The following NUMB variants were observed in gnomAD, a reference collection of about 807,000 sequenced individuals.
NUMB encodes protein numb homolog.
NUMB carries 29 observed loss-of-function variants against 59.7 expected under a neutral mutation model. That is an observed-to-expected ratio of 0.49 (90% CI 0.36 to 0.66). The LOEUF is 0.66. Ranked by LOEUF, NUMB falls within the 30% of genes least tolerant of loss-of-function variation. The pLI, the probability that NUMB is intolerant of heterozygous loss-of-function variation, is 0.00. For synonymous variants in NUMB, 288 were observed against 288.2 expected (o/e 1.00, Z 0.01); for missense variants, 723 against 822.0 (o/e 0.88, Z 1.47).
At chr14:73,318,876 C>T (rs1433360878) in intron 5 of NUMB, among the ~76,000 whole-genome samples, 5 of 152,080 alleles carry the variant, frequency 3.3e-5, no homozygotes, top group Non-Finnish European at 5.9e-5. Context: ...ATCAAGTATG[C>T]AGATGACTTC....
intron 1 of NUMB, among the ~76,000 whole-genome samples, chr14:73,443,944 T>TC (rs113571616): frequency 6.6e-6 from 1 of 150,680 alleles, no homozygotes; most frequent in Non-Finnish European, 1.5e-5. Context: ...TCTCACTCTG[T>TC]CCCCCCACGC....
At chr14:73,444,835 A>AG (rs1883349711) in intron 1 of NUMB, among the ~76,000 whole-genome samples, 1 of 148,084 alleles carries the variant, frequency 6.8e-6, no homozygotes. Flanking sequence ...CCAGCCTGGC[A>AG]ACAGAGTGAC....
intron 2 of NUMB, among the ~76,000 whole-genome samples, chr14:73,394,454 G>A (rs1276077089): frequency 4.7e-5 from 7 of 150,298 alleles, no homozygotes; most frequent in Non-Finnish European, 7.4e-5. Context: ...CTGTTGCCCA[G>A]GCTGAAGTGC....
chr14:73,284,441 C>G, intron 9 of NUMB, 67 bp from the exon 10 acceptor site: 1 of 1,410,018 alleles, frequency 7.1e-7, no homozygotes, highest in Non-Finnish European at 9.7e-7. Flanking sequence ...AGAGAGCTGA[C>G]AAATTCGAAA....
chr14:73,290,651 C>T (rs1298317296), intron 8 of NUMB, among the ~76,000 whole-genome samples: 1 of 152,264 alleles, frequency 6.6e-6, no homozygotes, highest in East Asian at 1.9e-4. Context: ...AATGGCTATA[C>T]TGCCTATTCT....
chr14:73,420,604 G>A (rs775980672), intron 1 of NUMB, among the ~76,000 whole-genome samples: 2 of 152,144 alleles, frequency 1.3e-5, no homozygotes, highest in Non-Finnish European at 2.9e-5. Flanking sequence ...CGGATTGCTT[G>A]AGTCCAGAAG....
intron 6 of NUMB, among the ~76,000 whole-genome samples, chr14:73,311,324 G>T (rs1890766203): frequency 6.6e-6 from 1 of 152,182 alleles, no homozygotes; most frequent in African/African-American, 2.4e-5. Context: ...AAAGTGCTGG[G>T]ATTACAGGCA....
intron 4 of NUMB, among the ~76,000 whole-genome samples, chr14:73,337,385 C>T (rs1892388416): frequency 6.6e-6 from 1 of 152,060 alleles, no homozygotes; most frequent in Non-Finnish European, 1.5e-5. Flanking sequence ...CCTGTAATCC[C>T]AGCTACTCGG....
At chr14:73,327,267 T>C (rs1297243300) in intron 4 of NUMB, among the ~76,000 whole-genome samples, 1 of 152,056 alleles carries the variant, frequency 6.6e-6, no homozygotes, top group East Asian at 1.9e-4. Context: ...GAATTATTAT[T>C]ATTTTTTTGA....
In NUMB at chr14:73,350,066, T is replaced by TACACACACACACACACAC. The variant is rs1161769200; in HGVS notation, c.126+5559_126+5560insGTGTGTGTGTGTGTGTGT. 1.5e-4 allele frequency among the ~76,000 whole-genome samples: 16 copies of TACACACACACACACACAC among 103,712 alleles called. No individual in the cohort carries two copies. In the South Asian group the frequency reaches 3.1e-3, roughly 20 times the overall value. 68.0% of individuals were successfully genotyped at this position (103,712 alleles called of 152,430 possible). A position where few individuals can be genotyped will look rare whatever the true frequency, so the allele number is the denominator to read the frequency against. On this transcript the variant is annotated intron_variant, in intron 4 of 12. Transcript: ENST00000555238. ...TCACATACATACATACATATATACA[T>TACACACACACACACACAC]ACATACATACATACACACACACACA...
At chr14:73,388,930 T>C (rs1383970503) in intron 2 of NUMB, among the ~76,000 whole-genome samples, 1 of 151,958 alleles carries the variant, frequency 6.6e-6, no homozygotes, top group Non-Finnish European at 1.5e-5. Context: ...ACCCCGTCTC[T>C]ACCAAACAAA....
At chr14:73,380,021 A>C (rs1316367369) in intron 2 of NUMB, among the ~76,000 whole-genome samples, 1 of 152,196 alleles carries the variant, frequency 6.6e-6, no homozygotes, top group Non-Finnish European at 1.5e-5. Context: ...GAAAACTATT[A>C]AATTAATCCA....
intron 7 of NUMB, among the ~76,000 whole-genome samples, chr14:73,294,794 C>G (rs1183779729): frequency 1.3e-5 from 2 of 148,662 alleles, no homozygotes; most frequent in Non-Finnish European, 3.0e-5. Flanking sequence ...GCTGGGATTA[C>G]AGGTGTGAGC....
chr14:73,351,947 G>A (rs1893309456), intron 4 of NUMB, among the ~76,000 whole-genome samples: 1 of 151,800 alleles, frequency 6.6e-6, no homozygotes, highest in Admixed American at 6.6e-5. Flanking sequence ...CTGCACTCCA[G>A]CCTGGGTGAC....
intron 4 of NUMB, among the ~76,000 whole-genome samples, chr14:73,333,324 G>A (rs969673047): frequency 1.3e-5 from 2 of 152,106 alleles, no homozygotes; most frequent in Admixed American, 6.6e-5. Context: ...TTTGCATTTC[G>A]CTGATAATGA....
chr14:73,353,079 T>C (rs1170621852), intron 4 of NUMB, among the ~76,000 whole-genome samples: 2,862 of 96,404 alleles, frequency 0.03, 507 homozygotes, highest in African/African-American at 0.11. Context: ...CTTGTTTTTT[T>C]TTTTTTTTTT....
intron 9 of NUMB, chr14:73,286,727 C>T (rs1889031362): frequency 3.8e-6 from 1 of 259,816 alleles, no homozygotes; most frequent in African/African-American, 2.2e-5. Context: ...TCCGTGGATG[C>T]TTTGCAGCCT....
chr14:73,435,278 T>C (rs1208867325), intron 1 of NUMB, among the ~76,000 whole-genome samples: 2 of 147,862 alleles, frequency 1.4e-5, no homozygotes, highest in Non-Finnish European at 3.0e-5. Context: ...TTACTTTTTT[T>C]TTTTTTTTTT....
chr14:73,392,691 T>C (rs552455048), intron 2 of NUMB, among the ~76,000 whole-genome samples: 5 of 152,238 alleles, frequency 3.3e-5, no homozygotes, highest in Non-Finnish European at 7.3e-5. Flanking sequence ...TAACAATAAT[T>C]AAATGTTGCA....
Sources: allele counts gnomAD v4.1 joint callset (sites outside exome capture counted in the v4.1 genomes callset), GRCh38; gene constraint gnomAD v4.1.1; transcripts MANE v1.5; gene names NCBI Gene and HGNC (gene_info 2026-07-23, HGNC 2026-07-21).